The following MKLN1 variants were observed in gnomAD, a reference collection of about 807,000 sequenced individuals.
The protein encoded by MKLN1 is muskelin.
MKLN1 carries 18 observed loss-of-function variants against 99.0 expected under a neutral mutation model. That is an observed-to-expected ratio of 0.18 (90% confidence interval 0.13 to 0.27). MKLN1 has a LOEUF of 0.27. Ranked by LOEUF, MKLN1 falls within the 10% of genes least tolerant of loss-of-function variation. The pLI, the probability that MKLN1 is intolerant of heterozygous loss-of-function variation, is 1.00. For missense variants in MKLN1, 621 were observed against 875.9 expected (o/e 0.71, Z 3.67); for synonymous variants, 288 against 293.2 (o/e 0.98, Z 0.18).
intron 7 of MKLN1, among the ~76,000 whole-genome samples, chr7:131,413,851 A>G (rs989960524): frequency 1.3e-5 from 2 of 152,078 alleles, no homozygotes; most frequent in Non-Finnish European, 1.5e-5. Context: ...AACTTTATTT[A>G]TGTAAGATTT....
At chr7:131,419,514 T>TTAC (rs1168372900) in intron 8 of MKLN1, among the ~76,000 whole-genome samples, 1 of 152,124 alleles carries the variant, frequency 6.6e-6, no homozygotes, top group East Asian at 1.9e-4. Flanking sequence ...AGTGCCAGGA[T>TTAC]TACATACATG....
chr7:131,272,893 T>A (rs1394765071), intron 3 of MKLN1, among the ~76,000 whole-genome samples: 1 of 152,156 alleles, frequency 6.6e-6, no homozygotes, highest in Non-Finnish European at 1.5e-5. Context: ...GGAGATACAA[T>A]TCAAGTTGAG....
At chr7:131,251,093 A>ACGTGTGTGTG (rs1554542497) in intron 3 of MKLN1, among the ~76,000 whole-genome samples, 2 of 146,162 alleles carry the variant, frequency 1.4e-5, no homozygotes, top group African/African-American at 5.0e-5. Context: ...TGGGGCCCAG[A>ACGTGTGTGTG]TGTGTGTGTG....
chr7:131,116,088 G>A (rs781533012), intron 1 of MKLN1, among the ~76,000 whole-genome samples: 69 of 152,034 alleles, frequency 4.5e-4, no homozygotes, highest in Non-Finnish European at 6.9e-4. Flanking sequence ...GGCAGATCAC[G>A]AGGTCAGGAG....
intron 2 of MKLN1, among the ~76,000 whole-genome samples, chr7:131,143,291 AC>A (rs200250796): frequency 0.039 from 5,916 of 151,718 alleles, 288 homozygotes; most frequent in South Asian, 0.23. Context: ...ACATGGTGAA[AC>A]CCCATCTCTA....
At chr7:131,385,574 T>C (rs557106583) in intron 2 of MKLN1, among the ~76,000 whole-genome samples, 2 of 152,308 alleles carry the variant, frequency 1.3e-5, no homozygotes, top group African/African-American at 2.4e-5. Context: ...TTAGTGGATG[T>C]GAAATGGTAT....
intron 2 of MKLN1, among the ~76,000 whole-genome samples, chr7:131,184,068 G>C (rs1385427955): frequency 2.0e-5 from 3 of 151,848 alleles, no homozygotes; most frequent in African/African-American, 7.3e-5. Flanking sequence ...GGACACATTT[G>C]TTCTCTACTC....
At chr7:131,180,467 G>A (rs1427700656) in intron 2 of MKLN1, among the ~76,000 whole-genome samples, 1 of 152,198 alleles carries the variant, frequency 6.6e-6, no homozygotes, top group Non-Finnish European at 1.5e-5. Context: ...GGGAGGCCGA[G>A]GCGGGCGGAT....
chr7:131,255,836 C>T (rs1213617478), intron 3 of MKLN1, among the ~76,000 whole-genome samples: 2 of 151,998 alleles, frequency 1.3e-5, no homozygotes, highest in Non-Finnish European at 1.5e-5. Context: ...CCGCCTCAGC[C>T]TCCCAAAGTG....
intron 3 of MKLN1, among the ~76,000 whole-genome samples, chr7:131,246,870 G>T (rs1275342999): frequency 6.6e-6 from 1 of 152,130 alleles, no homozygotes; most frequent in Admixed American, 6.6e-5. Context: ...AAGCTGCTTT[G>T]CTTCTTGTGA....
chr7:131,372,291 A>C (rs979470510), intron 1 of MKLN1, among the ~76,000 whole-genome samples: 3 of 152,034 alleles, frequency 2.0e-5, no homozygotes, highest in African/African-American at 4.8e-5. Flanking sequence ...AACTCAGTTC[A>C]TATCTTCAAT....
At chr7:131,376,546 G>A (rs1236916700) in intron 2 of MKLN1, among the ~76,000 whole-genome samples, 1 of 150,896 alleles carries the variant, frequency 6.6e-6, no homozygotes, top group Non-Finnish European at 1.5e-5. Context: ...GGAGGCTGAG[G>A]CAGGAGAATC....
chr7:131,197,673 C>T (rs1262954508), intron 2 of MKLN1, among the ~76,000 whole-genome samples: 1 of 151,920 alleles, frequency 6.6e-6, no homozygotes, highest in Non-Finnish European at 1.5e-5. Context: ...TCCAGCCTGA[C>T]CTTGAAATTT....
At chr7:131,144,858 T>G (rs1795794581) in intron 2 of MKLN1, among the ~76,000 whole-genome samples, 1 of 152,050 alleles carries the variant, frequency 6.6e-6, no homozygotes, top group African/African-American at 2.4e-5. Flanking sequence ...ACGCCTGTAA[T>G]CCCAGCTACT....
chr7:131,244,149 C>A (rs867199086), intron 3 of MKLN1, among the ~76,000 whole-genome samples: 1 of 152,154 alleles, frequency 6.6e-6, no homozygotes, highest in Admixed American at 6.5e-5. Context: ...CTCTACTCCC[C>A]AGGGACCTGA....
intron 2 of MKLN1, among the ~76,000 whole-genome samples, chr7:131,376,149 AT>A (rs1160113271): frequency 5.8e-5 from 4 of 69,086 alleles, no homozygotes; most frequent in African/African-American, 1.8e-4. Flanking sequence ...TGATGTATGT[AT>A]TTTTTTTTCT....
chr7:131,172,888 G>A (rs1029611952), intron 2 of MKLN1, among the ~76,000 whole-genome samples: 17 of 152,136 alleles, frequency 1.1e-4, no homozygotes, highest in African/African-American at 4.1e-4. Flanking sequence ...TGATAGCTAT[G>A]ATGAATGACT....
At chr7:131,256,964 AT>A (rs1165685195) in intron 3 of MKLN1, among the ~76,000 whole-genome samples, 1 of 152,234 alleles carries the variant, frequency 6.6e-6, no homozygotes, top group Admixed American at 6.5e-5. Flanking sequence ...AAATAAAAAA[AT>A]ACAATTAAAA....
chr7:131,117,746 A>G (rs1795300272), intron 1 of MKLN1, among the ~76,000 whole-genome samples: 1 of 152,250 alleles, frequency 6.6e-6, no homozygotes, highest in African/African-American at 2.4e-5. Context: ...TTCCTGTGAG[A>G]GATCATGGTT....
Sources: gnomAD v4.1 joint callset for allele counts (sites outside exome capture counted in the v4.1 genomes callset) on GRCh38, gnomAD v4.1.1 for gene constraint, MANE v1.5 for transcripts, NCBI Gene and HGNC (gene_info 2026-07-23, HGNC 2026-07-21) for gene names.